Variants in BNC2 observed in about 807,000 individuals in gnomAD.
BNC2 encodes the protein zinc finger protein basonuclin-2.
A neutral mutation model predicts 76.3 loss-of-function variants in BNC2; 20 were observed. The observed-to-expected ratio is 0.26, with a 90% CI of 0.18 to 0.38. The LOEUF is 0.38. Among genes scored for constraint, BNC2 ranks in the 10% least tolerant of loss-of-function variants. The pLI, the probability that BNC2 is intolerant of heterozygous loss-of-function variation, is 1.00. For missense variants in BNC2, 1,382 were observed against 1,399.8 expected, an observed-to-expected ratio of 0.99 and a Z score of 0.20; for synonymous variants, 582 against 514.8, an observed-to-expected ratio of 1.13 and a Z score of -1.77.
At chr9:16,525,498 T>A (rs1361267194) in intron 5 of BNC2, among the ~76,000 whole-genome samples, 2 of 152,192 alleles carry the variant, frequency 1.3e-5, no homozygotes, top group Non-Finnish European at 2.9e-5. Context: ...CATAAAAGGA[T>A]GGTAAACCTT....
At chr9:16,557,996 A>G (rs1008335373) in intron 4 of BNC2, among the ~76,000 whole-genome samples, 1 of 151,904 alleles carries the variant, frequency 6.6e-6, no homozygotes, top group Admixed American at 6.6e-5. Flanking sequence ...GGTGCATGCC[A>G]CCATACCCAG....
In BNC2 at chr9:16,506,143, A is replaced by G. The variant is rs1012179350; in HGVS notation, c.669+46387T>C. Among the ~76,000 whole-genome samples the G allele has an allele frequency of 3.9e-5, 6 of 152,210 alleles. No homozygotes were observed. The South Asian group carries it at 1.2e-3, about 32-fold the overall frequency. Reference sequence around the variant, plus strand: ...ATTAAAACTTGGATGGAAATTGTAGAAAAGTTTTTACCTTTTTAATGGTCA... The same window carrying G: ...ATTAAAACTTGGATGGAAATTGTAGGAAAGTTTTTACCTTTTTAATGGTCA... On this transcript the variant is annotated intron_variant, in intron 5 of 6. Coordinates refer to ENST00000380672, the MANE Select transcript of BNC2 (RefSeq NM_017637.6).
chr9:16,553,394 T>C (rs1818725857), intron 4 of BNC2, among the ~76,000 whole-genome samples: 1 of 152,236 alleles, frequency 6.6e-6, no homozygotes, highest in Non-Finnish European at 1.5e-5. Flanking sequence ...CTTAGTTCTC[T>C]CAATTTCTCT....
At chr9:16,627,524 A>G (rs1387981525) in intron 3 of BNC2, among the ~76,000 whole-genome samples, 3 of 152,186 alleles carry the variant, frequency 2.0e-5, no homozygotes, top group Non-Finnish European at 4.4e-5. Context: ...ACCAGGATTG[A>G]GCATTACAGA....
chr9:16,603,423 C>T (rs1023058581), intron 3 of BNC2, among the ~76,000 whole-genome samples: 2 of 152,148 alleles, frequency 1.3e-5, no homozygotes, highest in Non-Finnish European at 2.9e-5. Context: ...GCTACCAATG[C>T]AAATATTTGT....
chr9:16,537,818 C>A (rs1818175697), intron 5 of BNC2, among the ~76,000 whole-genome samples: 1 of 152,120 alleles, frequency 6.6e-6, no homozygotes, highest in South Asian at 2.1e-4. Flanking sequence ...GCTGTTTGGG[C>A]CTTCAAAGCA....
intron 5 of BNC2, among the ~76,000 whole-genome samples, chr9:16,483,879 G>T (rs1316672086): frequency 6.6e-6 from 1 of 152,136 alleles, no homozygotes; most frequent in Admixed American, 6.5e-5. Flanking sequence ...GCATGACCCT[G>T]TCCTAAAGCT....
At chr9:16,448,294 T>A (rs1821267965) in intron 5 of BNC2, among the ~76,000 whole-genome samples, 1 of 152,186 alleles carries the variant, frequency 6.6e-6, no homozygotes, top group South Asian at 2.1e-4. Flanking sequence ...TTTCCAGATA[T>A]GCTTTTCCAC....
rs1820467548 is a variant in BNC2 at position 16,411,824 on chromosome 9, C to T, written c.*7165G>A. ...CGTGTCTTACCTGGCTGACTAATAT[C>T]TTACTGAAATGTGACTGTTTGTAAT... On this transcript the variant is annotated 3_prime_UTR_variant, in exon 7 of 7. Transcript: ENST00000380672. 3 of 152,290 alleles carry T rather than the reference C, an allele frequency of 2.0e-5. No individual in the cohort carries two copies. The South Asian group carries it at 6.2e-4, about 32-fold the overall frequency. 9.4% of individuals were successfully genotyped at this position (152,290 alleles called of 1,614,324 possible). A position where few individuals can be genotyped will look rare whatever the true frequency, so the allele number is the denominator to read the frequency against.
intron 3 of BNC2, among the ~76,000 whole-genome samples, chr9:16,645,412 C>T (rs145746895): frequency 1.1e-4 from 16 of 152,318 alleles, no homozygotes; most frequent in East Asian, 3.9e-4. Flanking sequence ...CTCCAGTTCA[C>T]GTCACATTTT....
At chr9:16,859,666 GA>G (rs1275443210) in intron 1 of BNC2, among the ~76,000 whole-genome samples, 2 of 152,186 alleles carry the variant, frequency 1.3e-5, no homozygotes, top group African/African-American at 4.8e-5. Context: ...CAAACTCTTA[GA>G]AATAGAAGCT....
At chr9:16,785,480 C>G (rs10962590) in intron 1 of BNC2, among the ~76,000 whole-genome samples, 69,340 of 151,354 alleles carry the variant, frequency 0.46, 21,382 homozygotes, top group Non-Finnish European at 0.69. Context: ...CTGCAACCTC[C>G]ACCTCCCAGG....
At chr9:16,468,810 G>A (rs1368603115) in intron 5 of BNC2, among the ~76,000 whole-genome samples, 1 of 152,162 alleles carries the variant, frequency 6.6e-6, no homozygotes, top group Admixed American at 6.6e-5. Flanking sequence ...GCTAACAGAA[G>A]GCAGAGGAGG....
At chr9:16,802,038 C>T (rs527595734) in intron 1 of BNC2, among the ~76,000 whole-genome samples, 9 of 152,098 alleles carry the variant, frequency 5.9e-5, no homozygotes, top group African/African-American at 2.2e-4. Context: ...TTATGCCACA[C>T]GCCTGCTTCG....
At chr9:16,739,899 G>C (rs1221139699) in intron 1 of BNC2, among the ~76,000 whole-genome samples, 2 of 152,128 alleles carry the variant, frequency 1.3e-5, no homozygotes, top group Non-Finnish European at 2.9e-5. Flanking sequence ...TATATAGCAA[G>C]TTTAGTATGG....
chr9:16,645,082 T>C (rs191337355), intron 3 of BNC2, among the ~76,000 whole-genome samples: 20 of 152,210 alleles, frequency 1.3e-4, no homozygotes, highest in Non-Finnish European at 2.6e-4. Context: ...AGGTAAACTC[T>C]TAACACATAC....
At chr9:16,596,142 T>C (rs4112791) in intron 3 of BNC2, among the ~76,000 whole-genome samples, 91,994 of 151,944 alleles carry the variant, frequency 0.61, 29,436 homozygotes, top group African/African-American at 0.83. Flanking sequence ...TACAAATTAG[T>C]CAAAAGAAAG....
chr9:16,641,236 A>C (rs997397979), intron 3 of BNC2, among the ~76,000 whole-genome samples: 27 of 152,188 alleles, frequency 1.8e-4, no homozygotes, highest in African/African-American at 6.5e-4. Flanking sequence ...CAGTATGATA[A>C]TTTTTCAAAA....
intron 3 of BNC2, among the ~76,000 whole-genome samples, chr9:16,594,672 G>C (rs1820017814): frequency 6.6e-6 from 1 of 152,118 alleles, no homozygotes; most frequent in Non-Finnish European, 1.5e-5. Context: ...GTGCTATGAA[G>C]CTTGCATAAC....
Sources: gnomAD v4.1 joint callset for allele counts (sites outside exome capture counted in the v4.1 genomes callset) on GRCh38, gnomAD v4.1.1 for gene constraint, MANE v1.5 for transcripts, NCBI Gene and HGNC (gene_info 2026-07-23, HGNC 2026-07-21) for gene names.